DDX55: variants seen among roughly 807,000 people sequenced by gnomAD.
The protein encoded by DDX55 is DEAD-box helicase 55.
A neutral mutation model predicts 69.2 loss-of-function variants in DDX55; 56 were observed. That is an observed-to-expected ratio of 0.81 (90% CI 0.65 to 1.01). The LOEUF is 1.01. Ranked by LOEUF, DDX55 falls within the 50% of genes least tolerant of loss-of-function variation. DDX55 has a pLI of 0.00. For missense variants in DDX55, 720 were observed against 745.1 expected (o/e 0.97, Z 0.39); for synonymous variants, 268 against 273.1 (o/e 0.98, Z 0.18).
chr12:123,602,195 T>A lies in DDX55; in HGVS notation c.47T>A (p.Leu16Gln). 1 of 1,572,808 alleles carries A rather than the reference T, an allele frequency of 6.4e-7. No homozygotes were observed. Among genetic ancestry groups the A allele is most frequent in the Non-Finnish European group, 8.6e-7 (1 of 1,161,198 alleles). Residue 16 changes from leucine to glutamine, a missense_variant, in exon 1 of 14, where the codon CTG (leucine) becomes CAG (glutamine). Coordinates refer to ENST00000238146, the MANE Select transcript of DDX55 (RefSeq NM_020936.3). Reference sequence around the variant, plus strand: ...TCCTGGGAGTCGCTGCCTGTGCCGCTGCACCCGCAGGTGCTGGGCGCGCTG... The same window carrying A: ...TCCTGGGAGTCGCTGCCTGTGCCGCAGCACCCGCAGGTGCTGGGCGCGCTG... Reference protein sequence around the residue: ...EGSWESLPVPLHPQVLGALRE... With the variant: ...EGSWESLPVPQHPQVLGALRE...
In DDX55 at chr12:123,607,509, C is replaced by T. The variant is rs770827926; in HGVS notation, c.324C>T (p.His108=). 4.3e-6 allele frequency: 7 copies of T among 1,614,076 alleles called. No homozygotes were observed. In the Admixed American group the frequency reaches 8.3e-5, roughly 19 times the overall value. ...AGGTCCTGTCGCATTTCACGAAGCA[C>T]TTCCCCGAGTTCAGGTGAATTGGAT... is the stretch of plus-strand genomic sequence containing the variant. ...IDEVLSHFTK[H]FPEFSQILWI... is the part of the protein sequence containing the mutation. The change falls in exon 4 of 14, where the codon CAC becomes CAT. Residue 108 remains histidine, a synonymous_variant. Coordinates refer to ENST00000238146, the MANE Select transcript of DDX55 (RefSeq NM_020936.3).
chr12:123,617,578 T>G (rs1046351626), intron 10 of DDX55, among the ~76,000 whole-genome samples, 180 bp from the exon 11 acceptor site: 2 of 152,252 alleles, frequency 1.3e-5, no homozygotes, highest in Admixed American at 1.3e-4. Context: ...CGTATCTGTT[T>G]GCAGTGTTGG....
At chr12:123,603,865 C>T (rs1436328131) in intron 1 of DDX55, among the ~76,000 whole-genome samples, 3 of 152,088 alleles carry the variant, frequency 2.0e-5, no homozygotes, top group Non-Finnish European at 4.4e-5. Context: ...TGCAATGACA[C>T]GATCTCGGCT....
At chr12:123,605,893 G>C (rs969991201) in intron 1 of DDX55, 38 bp from the exon 2 acceptor site, 2 of 1,613,736 alleles carry the variant, frequency 1.2e-6, no homozygotes, top group Non-Finnish European at 1.7e-6. Context: ...TGAATTGATG[G>C]CATCCTTTAA....
At position 123,608,740 on chromosome 12, in the gene DDX55, A is replaced by G. The variant is rs1954035935; in HGVS notation, c.462A>G (p.Glu154=). The change falls in exon 6 of 14, where the codon GAA becomes GAG. Residue 154 remains glutamate, a synonymous_variant. Coordinates refer to ENST00000238146, the MANE Select transcript of DDX55 (RefSeq NM_020936.3). ...AGGACATGTTCCGGAGGAAGGCCGA[A>G]GGCTTGGATCTGGCCAGCTGTGTGC... is the stretch of plus-strand genomic sequence containing the variant. The part of the protein sequence containing the change: ...RLEDMFRRKA[E]GLDLASCVRS... 6.2e-7 allele frequency: 1 copy of G among 1,614,152 alleles called. No individual in the cohort carries two copies. The highest frequency in any genetic ancestry group is 8.5e-7 in the Non-Finnish European group (1 of 1,180,022).
chr12:123,620,110 A>G lies in DDX55; in HGVS notation c.1773A>G (p.Leu591=), dbSNP rs773650987. The part of the protein sequence containing the change: ...TGKRTIKTVD[L]GISDLEDDC ...AAAGAACAATCAAGACAGTGGATTT[A>G]GGGATCTCAGATTTGGAAGATGACT... The change falls in exon 14 of 14, where the codon TTA becomes TTG. Residue 591 remains leucine, a synonymous_variant. Transcript: ENST00000238146. 3 of 1,614,122 alleles carry G rather than the reference A, an allele frequency of 1.9e-6. No homozygotes were observed. The highest frequency in any genetic ancestry group is 2.5e-6 in the Non-Finnish European group (3 of 1,179,962).
At chr12:123,618,538 G>A (rs1460104781) in intron 11 of DDX55, 131 bp from the exon 12 acceptor site, 92 of 1,535,094 alleles carry the variant, frequency 6.0e-5, no homozygotes, top group Non-Finnish European at 7.9e-5. Context: ...TATTTGGGTT[G>A]GAGTTGGGCT....
intron 7 of DDX55, among the ~76,000 whole-genome samples, chr12:123,610,890 GT>G (rs759513993): frequency 7.5e-6 from 1 of 132,726 alleles, no homozygotes. Context: ...GCGCCCGGCC[GT>G]TTTTTTTTGT....
chr12:123,619,911 TACA>T (rs1955018010), intron 13 of DDX55, 50 bp from the exon 14 acceptor site: 34 of 1,569,338 alleles, frequency 2.2e-5, no homozygotes, highest in Non-Finnish European at 2.8e-5. Flanking sequence ...CTGGTTTCAC[TACA>T]ACACTATTGC....
chr12:123,620,627 T>TATATA lies in DDX55; in HGVS notation c.*488_*489insTATAA, dbSNP rs1250251932. 1.0e-5 allele frequency: 1 copy of TATATA among 99,806 alleles called. No homozygotes were observed. The highest frequency in any genetic ancestry group is 3.6e-5 in the African/African-American group (1 of 27,476). 6.2% of individuals were successfully genotyped at this position (99,806 alleles called of 1,614,324 possible). On this transcript the variant is annotated 3_prime_UTR_variant, in exon 14 of 14. Coordinates refer to ENST00000238146, the MANE Select transcript of DDX55 (RefSeq NM_020936.3). ...ATATATATATATATATATATATATATAAGCTCTTTTTTCTGAGGCTATTTT... is the reference window on the plus strand; with the variant it reads ...ATATATATATATATATATATATATATATATAAAGCTCTTTTTTCTGAGGCTATTTT...
intron 1 of DDX55, among the ~76,000 whole-genome samples, chr12:123,604,582 A>G (rs1407685203): frequency 6.6e-6 from 1 of 152,154 alleles, no homozygotes; most frequent in Non-Finnish European, 1.5e-5. Flanking sequence ...CTACACAGTC[A>G]TCAGACATGG....
Position 123,619,652 on chromosome 12 carries a change from T to C in DDX55, c.1554T>C (p.Asn518=). The C allele has an allele frequency of 6.2e-7, 1 of 1,608,026 alleles. No individual in the cohort carries two copies. Among genetic ancestry groups the C allele is most frequent in the Non-Finnish European group, 8.5e-7 (1 of 1,178,098 alleles). ...ENEGRRKFIK[N]KAWSKQKAKK... is the part of the protein sequence containing the mutation. ...AAGGGAGAAGAAAATTCATAAAAAA[T>C]AAAGCTTGGTCAAAGCAGAAGGCCA... The change falls in exon 13 of 14, where the codon AAT becomes AAC. Residue 518 remains asparagine (N), a synonymous_variant. Coordinates refer to ENST00000238146, the MANE Select transcript of DDX55 (RefSeq NM_020936.3).
At position 123,602,181 on chromosome 12, in the gene DDX55, G is replaced by A. The variant is rs986350685; in HGVS notation, c.33G>A (p.Ser11=). Residue 11 remains serine (S), a synonymous_variant, in exon 1 of 14, where the codon TCG becomes TCA. Coordinates refer to ENST00000238146, the MANE Select transcript of DDX55 (RefSeq NM_020936.3). ...ATGTGACAGAGGGCTCCTGGGAGTC[G>A]CTGCCTGTGCCGCTGCACCCGCAGG... MEHVTEGSWE[S]LPVPLHPQVL... is the part of the protein sequence containing the mutation. 1 of 1,565,842 alleles carries A rather than the reference G, an allele frequency of 6.4e-7. No homozygotes were observed. Among genetic ancestry groups the A allele is most frequent in the Non-Finnish European group, 8.6e-7 (1 of 1,157,570 alleles).
chr12:123,618,663 G>T lies in DDX55; in HGVS notation c.1165-6G>T. 6.2e-7 allele frequency: 1 copy of T among 1,613,390 alleles called. No individual in the cohort carries two copies. Among genetic ancestry groups the T allele is most frequent in the Non-Finnish European group, 8.5e-7 (1 of 1,179,586 alleles). Reference sequence around the variant, plus strand: ...AGGTGAGAATGTGGTATGTGTGTGTGTGTAGTGCCCCCTGCAGGAGATGAA... The same window carrying T: ...AGGTGAGAATGTGGTATGTGTGTGTTTGTAGTGCCCCCTGCAGGAGATGAA... On this transcript the variant is annotated splice_polypyrimidine_tract_variant and splice_region_variant and intron_variant, in intron 11 of 13. Coordinates refer to ENST00000238146, the MANE Select transcript of DDX55 (RefSeq NM_020936.3).
At chr12:123,610,246 CAG>C (rs771078418) in intron 7 of DDX55, 118 bp downstream of exon 7, 1 of 1,329,166 alleles carries the variant, frequency 7.5e-7, no homozygotes, top group Non-Finnish European at 1.0e-6. Context: ...CATTTGGGGA[CAG>C]AGCTAGCTAG....
intron 10 of DDX55, among the ~76,000 whole-genome samples, chr12:123,617,153 A>C (rs943500623): frequency 2.0e-5 from 3 of 152,206 alleles, no homozygotes; most frequent in Non-Finnish European, 4.4e-5. Flanking sequence ...CAAAACAAAA[A>C]CCCGTTGTTT....
chr12:123,618,836 G>T lies in DDX55; in HGVS notation c.1332G>T (p.Lys444Asn), dbSNP rs1954908113. 9.9e-6 allele frequency: 16 copies of T among 1,613,754 alleles called. No homozygotes were observed. Among genetic ancestry groups the T allele is most frequent in the Non-Finnish European group, 1.4e-5 (16 of 1,179,734 alleles). Residue 444 changes from lysine to asparagine, a missense_variant and splice_region_variant, in exon 12 of 14, where the codon AAG becomes AAT. Coordinates refer to ENST00000238146, the MANE Select transcript of DDX55 (RefSeq NM_020936.3). ...KHECNLIFRLKDLDFASLARG... is the reference protein window; with the variant it reads ...KHECNLIFRLNDLDFASLARG... ...AATGCAACCTGATTTTCAGATTAAA[G>T]GGTAAGTTGGACTTCTTCATGTGAT...
chr12:123,609,897 G>T, intron 6 of DDX55, 42 bp from the exon 7 acceptor site: 1 of 1,583,548 alleles, frequency 6.3e-7, no homozygotes, highest in South Asian at 1.2e-5. Context: ...TGTTGATTCT[G>T]CTGGCAAGTG....
chr12:123,619,882 A>G, intron 13 of DDX55, 82 bp from the exon 14 acceptor site: 1 of 1,533,566 alleles, frequency 6.5e-7, no homozygotes, highest in Non-Finnish European at 8.7e-7. Context: ...GAGAGCTTAT[A>G]GTTCTTGAGT....
Sources: allele counts gnomAD v4.1 joint callset (sites outside exome capture counted in the v4.1 genomes callset), GRCh38; gene constraint gnomAD v4.1.1; transcripts MANE v1.5; gene names NCBI Gene and HGNC (gene_info 2026-07-23, HGNC 2026-07-21).